Variants in GPCPD1 observed in about 807,000 individuals in gnomAD.
GPCPD1 encodes glycerophosphocholine phosphodiesterase 1.
In GPCPD1, 29 loss-of-function variants were observed where a neutral mutation model predicts 89.2. That is an observed-to-expected ratio of 0.33 (90% CI 0.24 to 0.44). The LOEUF is 0.44. GPCPD1 is among the 20% of genes least tolerant of loss of function. The probability of loss-of-function intolerance (pLI) is 1.00; values close to 1 mark genes in which losing one functional copy is unlikely to be tolerated. For missense variants in GPCPD1, 594 were observed against 808.9 expected (o/e 0.73, Z 3.22); for synonymous variants, 258 against 266.3 (o/e 0.97, Z 0.30).
chr20:5,546,997 C>G lies in GPCPD1; in HGVS notation c.*664G>C, dbSNP rs1985060309. ...ACTAATATTTTATACATTAAATTAC[C>G]CTGCAGCATTTTGAAATTTTAACAT... On this transcript the variant is annotated 3_prime_UTR_variant, in exon 20 of 20. Transcript: ENST00000379019. 1 of 152,464 alleles carries G rather than the reference C, an allele frequency of 6.6e-6. No individual in the cohort carries two copies. The highest frequency in any genetic ancestry group is 2.4e-5 in the African/African-American group (1 of 41,364). The allele number at this position is 152,464 out of a possible 1,614,324, so 9.4% of individuals were successfully genotyped here.
intron 19 of GPCPD1, chr20:5,549,298 A>C: frequency 1.0e-6 from 1 of 961,906 alleles, no homozygotes; most frequent in Non-Finnish European, 1.7e-6. Flanking sequence ...TTAATGTTAG[A>C]GCTAAAGGTG....
intron 19 of GPCPD1, among the ~76,000 whole-genome samples, chr20:5,550,227 A>T (rs1324659537): frequency 6.6e-6 from 1 of 150,808 alleles, no homozygotes; most frequent in African/African-American, 2.4e-5. Flanking sequence ...AACAAAAAAC[A>T]TAAAAGCTCA....
At position 5,578,620 on chromosome 20, in the gene GPCPD1, T is replaced by TA. The variant is rs1978310072; in HGVS notation, c.474-10dup. On this transcript the variant is annotated splice_polypyrimidine_tract_variant and intron_variant, in intron 7 of 19. Coordinates refer to ENST00000379019, the MANE Select transcript of GPCPD1 (RefSeq NM_019593.5). ...CTAGTGTCAGCTTCACCCTACGTAA[T>TA]AAACAAAATAATGAGATGCAAGAAG... The TA allele has an allele frequency of 6.6e-7, 1 of 1,524,938 alleles. No individual in the cohort carries two copies. The highest frequency in any genetic ancestry group is 9.1e-7 in the Non-Finnish European group (1 of 1,099,234). 94.5% of individuals were successfully genotyped at this position (1,524,938 alleles called of 1,614,324 possible). A position where few individuals can be genotyped will look rare whatever the true frequency, so the allele number is the denominator to read the frequency against.
chr20:5,580,857 AT>A (rs1472467551), intron 6 of GPCPD1, among the ~76,000 whole-genome samples: 1 of 152,006 alleles, frequency 6.6e-6, no homozygotes, highest in African/African-American at 2.4e-5. Context: ...TTTGAAAAAA[AT>A]CTAAAAGGAA....
At chr20:5,597,109 G>A (rs1042673844) in intron 3 of GPCPD1, among the ~76,000 whole-genome samples, 1 of 152,094 alleles carries the variant, frequency 6.6e-6, no homozygotes, top group Non-Finnish European at 1.5e-5. Flanking sequence ...ACTAGTCTGT[G>A]AAAGACTAGT....
chr20:5,581,265 C>T (rs1416037314), intron 6 of GPCPD1, among the ~76,000 whole-genome samples: 3 of 152,048 alleles, frequency 2.0e-5, no homozygotes, highest in African/African-American at 4.8e-5. Context: ...TTAAATTCTT[C>T]ATTAAAATAT....
chr20:5,603,948 T>A (rs918966039), intron 2 of GPCPD1, among the ~76,000 whole-genome samples: 2 of 152,132 alleles, frequency 1.3e-5, no homozygotes, highest in Non-Finnish European at 2.9e-5. Context: ...GGTTTCACCA[T>A]GTTGGCCAGG....
At chr20:5,609,398 AAT>A (rs1351525384) in intron 1 of GPCPD1, among the ~76,000 whole-genome samples, 1 of 152,220 alleles carries the variant, frequency 6.6e-6, no homozygotes, top group Non-Finnish European at 1.5e-5. Context: ...ATCTTAATCA[AAT>A]ATGTTAAGAC....
At chr20:5,610,209 T>C (rs552766209) in intron 1 of GPCPD1, among the ~76,000 whole-genome samples, 67 of 152,254 alleles carry the variant, frequency 4.4e-4, no homozygotes, top group African/African-American at 1.1e-3. Context: ...CTGAAGAGCT[T>C]TGGGAAAAGT....
intron 6 of GPCPD1, among the ~76,000 whole-genome samples, chr20:5,583,057 A>T (rs1054635507): frequency 6.6e-6 from 1 of 151,864 alleles, no homozygotes; most frequent in Non-Finnish European, 1.5e-5. Flanking sequence ...CAACATGGAG[A>T]AACCCCGTCT....
Position 5,568,422 on chromosome 20 carries a change from CT to C in GPCPD1, c.1150-863del, listed in dbSNP as rs67963548. Among the ~76,000 whole-genome samples the C allele has an allele frequency of 8.9e-4, 134 of 150,430 alleles. 4 individuals carry two copies. The highest frequency in any genetic ancestry group is 2.7e-3 in the South Asian group (13 of 4,762). On this transcript the variant is annotated intron_variant, in intron 12 of 19. Coordinates refer to ENST00000379019, the MANE Select transcript of GPCPD1 (RefSeq NM_019593.5). ...TCTCATTTCATAATCTTCTGAAATA[CT>C]TTTTTTTTTTCTAATGAAGATGAAT... is the stretch of plus-strand genomic sequence containing the variant.
In GPCPD1 at chr20:5,568,657, C is replaced by A. The variant is rs140380094; in HGVS notation, c.1150-1097G>T. On this transcript the variant is annotated intron_variant, in intron 12 of 19. Coordinates refer to ENST00000379019, the MANE Select transcript of GPCPD1 (RefSeq NM_019593.5). Reference sequence around the variant, plus strand: ...CAGTGGCTCACATCTGTAATCCCAGCACTTTGGGAGGCTGAGATGGGCGGA... The same window carrying A: ...CAGTGGCTCACATCTGTAATCCCAGAACTTTGGGAGGCTGAGATGGGCGGA... Among the ~76,000 whole-genome samples the A allele has an allele frequency of 6.0e-3, 914 of 152,220 alleles. 2 individuals are homozygous for A. Among genetic ancestry groups the A allele is most frequent in the Non-Finnish European group, 9.6e-3 (653 of 68,018 alleles).
Position 5,566,856 on chromosome 20 carries a change from T to C in GPCPD1, c.1228-84A>G, listed in dbSNP as rs1041275059. 3 of 860,266 alleles carry C rather than the reference T, an allele frequency of 3.5e-6. No individual in the cohort carries two copies. In the African/African-American group the frequency reaches 5.1e-5, roughly 15 times the overall value. The allele number at this position is 860,266 out of a possible 1,614,324, so 53.3% of individuals were successfully genotyped here. On this transcript the variant is annotated intron_variant, in intron 13 of 19. Coordinates refer to ENST00000379019, the MANE Select transcript of GPCPD1 (RefSeq NM_019593.5). The stretch of plus-strand genomic sequence containing the variant: ...GTTAACAGAAAATATCCTGAAAAAC[T>C]AGCAAGATAAAAAAGCCTATAAAAC...
intron 14 of GPCPD1, 103 bp from the exon 15 acceptor site, chr20:5,565,181 AGTGT>A (rs1050735737): frequency 4.3e-6 from 3 of 699,444 alleles, no homozygotes. Context: ...AGAGAGAGAG[AGTGT>A]GTGTGTGAGC....
rs1431795078 is a variant in GPCPD1, at chr20:5,547,772, C to T, written c.1908G>A (p.Glu636=). Reference sequence around the variant, plus strand: ...CAGTGGGACACAAACAGCTCTTAAGCTCTGGCAATTCCTGCTTCAGGCGTT... The same window carrying T: ...CAGTGGGACACAAACAGCTCTTAAGTTCTGGCAATTCCTGCTTCAGGCGTT... ...QLERLKQELP[E]LKSCLCPTVS... The change falls in exon 20 of 20, where the codon GAG becomes GAA. Residue 636 remains glutamate (E), a synonymous_variant. Transcript: ENST00000379019. 1.2e-5 allele frequency: 20 copies of T among 1,611,282 alleles called. No homozygotes were observed. Among genetic ancestry groups the T allele is most frequent in the Non-Finnish European group, 1.7e-5 (20 of 1,177,534 alleles).
chr20:5,579,520 G>C (rs1287665471), intron 7 of GPCPD1, among the ~76,000 whole-genome samples: 5 of 152,064 alleles, frequency 3.3e-5, no homozygotes, highest in Admixed American at 1.3e-4. Context: ...GCTAAGTTTT[G>C]TATTTTTAGT....
intron 2 of GPCPD1, among the ~76,000 whole-genome samples, chr20:5,601,309 A>G (rs2122794614): frequency 6.6e-6 from 1 of 150,662 alleles, no homozygotes; most frequent in Non-Finnish European, 1.5e-5. Flanking sequence ...TTGAGGAGCT[A>G]TGACTGCACC....
intron 6 of GPCPD1, among the ~76,000 whole-genome samples, 166 bp downstream of exon 6, chr20:5,584,112 TATA>T (rs1173018749): frequency 1.3e-5 from 2 of 152,204 alleles, no homozygotes; most frequent in African/African-American, 4.8e-5. Flanking sequence ...TCAGCTTCAT[TATA>T]ATCATATGAG....
intron 6 of GPCPD1, among the ~76,000 whole-genome samples, chr20:5,580,722 T>C (rs1256190318): frequency 3.2e-5 from 4 of 126,482 alleles, no homozygotes; most frequent in African/African-American, 1.3e-4. Context: ...CGAGACTCCA[T>C]CTCACAAAAA....
Sources: allele counts gnomAD v4.1 joint callset (sites outside exome capture counted in the v4.1 genomes callset), GRCh38; gene constraint gnomAD v4.1.1; transcripts MANE v1.5; gene names NCBI Gene and HGNC (gene_info 2026-07-23, HGNC 2026-07-21).